COL26A1: variants seen among roughly 807,000 people sequenced by gnomAD.
COL26A1 encodes collagen type XXVI alpha 1 chain.
COL26A1 carries 41 observed loss-of-function variants against 59.3 expected under a neutral mutation model. The ratio of observed to expected loss-of-function variants is 0.69; its 90% CI spans 0.54 to 0.90. COL26A1 has a LOEUF of 0.90. Ranked by LOEUF, COL26A1 falls within the 40% of genes least tolerant of loss-of-function variation. COL26A1 has a pLI of 0.00. For missense variants in COL26A1, 612 were observed against 602.3 expected (o/e 1.02, Z -0.17); for synonymous variants, 266 against 256.0 (o/e 1.04, Z -0.37).
chr7:101,501,223 A>G (rs1216536896), intron 3 of COL26A1, among the ~76,000 whole-genome samples: 6 of 151,510 alleles, frequency 4.0e-5, no homozygotes, highest in Non-Finnish European at 8.8e-5. Flanking sequence ...AAAAGAAAAA[A>G]AAAAAAAAAA....
intron 1 of COL26A1, among the ~76,000 whole-genome samples, chr7:101,385,367 G>GTGTGTATATATATATATA (rs896826101): frequency 7.3e-6 from 1 of 137,022 alleles, no homozygotes; most frequent in Non-Finnish European, 1.6e-5. Flanking sequence ...ATATATGTGT[G>GTGTGTATATATATATATA]TATATATATA....
chr7:101,441,236 A>G (rs1177404183), intron 2 of COL26A1, among the ~76,000 whole-genome samples: 2 of 152,190 alleles, frequency 1.3e-5, no homozygotes, highest in Non-Finnish European at 2.9e-5. Context: ...TAAACTGGGA[A>G]TAATGGCCTC....
intron 8 of COL26A1, 139 bp downstream of exon 8, chr7:101,547,378 C>A: frequency 1.8e-6 from 1 of 543,166 alleles, no homozygotes; most frequent in Admixed American, 3.5e-5. Flanking sequence ...GTCTGTCCCA[C>A]CCGCTGTGTG....
chr7:101,529,250 G>A (rs569808344), intron 3 of COL26A1, among the ~76,000 whole-genome samples: 2 of 152,206 alleles, frequency 1.3e-5, no homozygotes, highest in Non-Finnish European at 2.9e-5. Flanking sequence ...GGCTTGTAGT[G>A]CACCCATCAC....
At chr7:101,470,560 G>GC (rs141391705) in intron 3 of COL26A1, among the ~76,000 whole-genome samples, 3,261 of 151,960 alleles carry the variant, frequency 0.021, 48 homozygotes, top group Non-Finnish European at 0.034. Flanking sequence ...GGACTGTATC[G>GC]CCGTTGCTCT....
intron 1 of COL26A1, among the ~76,000 whole-genome samples, chr7:101,363,682 C>A (rs1021029968): frequency 6.6e-6 from 1 of 151,818 alleles, no homozygotes; most frequent in South Asian, 2.1e-4. Flanking sequence ...GGTCTCTGGC[C>A]GCGCCCACCC....
At chr7:101,524,341 G>A (rs62465088) in intron 3 of COL26A1, among the ~76,000 whole-genome samples, 11,559 of 151,740 alleles carry the variant, frequency 0.076, 571 homozygotes, top group Middle Eastern at 0.15. Flanking sequence ...CTACTGCTAA[G>A]GGAAAAACCT....
chr7:101,527,744 C>A (rs1795278044), intron 3 of COL26A1, among the ~76,000 whole-genome samples: 1 of 151,918 alleles, frequency 6.6e-6, no homozygotes, highest in Admixed American at 6.6e-5. Context: ...CCGCTGGTTT[C>A]TGTGTGGGTC....
chr7:101,551,337 C>T (rs1438556824), intron 10 of COL26A1, among the ~76,000 whole-genome samples, 194 bp downstream of exon 10: 2 of 152,158 alleles, frequency 1.3e-5, no homozygotes, highest in African/African-American at 4.8e-5. Flanking sequence ...AAGCGACCTC[C>T]AGAGAGTGCG....
chr7:101,400,353 A>ATTTTTTTTTTTT (rs574852983), intron 1 of COL26A1, among the ~76,000 whole-genome samples: 2 of 97,254 alleles, frequency 2.1e-5, no homozygotes, highest in East Asian at 3.1e-4. Flanking sequence ...TTTTTTTCCT[A>ATTTTTTTTTTTT]TTTTTTTTTT....
chr7:101,461,191 A>G (rs1001249476), intron 3 of COL26A1, among the ~76,000 whole-genome samples: 3 of 151,860 alleles, frequency 2.0e-5, no homozygotes, highest in Non-Finnish European at 2.9e-5. Flanking sequence ...GGGTCTCTCT[A>G]TGTTGCCAAG....
In COL26A1 at chr7:101,494,842, C is replaced by A. The variant is rs192190825; in HGVS notation, c.386-38240C>A. Among the ~76,000 whole-genome samples, 630 of 152,292 alleles carry A rather than the reference C, an allele frequency of 4.1e-3. 4 individuals carry two copies. The highest frequency in any genetic ancestry group is 6.8e-3 in the Middle Eastern group (2 of 294). The stretch of plus-strand genomic sequence containing the variant: ...GGCTGGGAGCACAGGCTGCCCAGAG[C>A]GTACACTGCAGGTTGGAAGCGAGAC... On this transcript the variant is annotated intron_variant, in intron 3 of 12. Coordinates refer to ENST00000313669, the MANE Select transcript of COL26A1 (RefSeq NM_001278563.3).
intron 3 of COL26A1, among the ~76,000 whole-genome samples, chr7:101,475,870 TTCTTTC>T (rs1304002794): frequency 9.6e-5 from 8 of 83,726 alleles, no homozygotes; most frequent in Non-Finnish European, 2.7e-4. Flanking sequence ...TTCTCTCTCT[TTCTTTC>T]TCTTTCTCTC....
chr7:101,528,081 T>C (rs1340056343), intron 3 of COL26A1, among the ~76,000 whole-genome samples: 1 of 151,436 alleles, frequency 6.6e-6, no homozygotes, highest in Non-Finnish European at 1.5e-5. Flanking sequence ...GTGTGGGGAG[T>C]CCGAGCTGGC....
chr7:101,482,633 C>T (rs923963255), intron 3 of COL26A1, among the ~76,000 whole-genome samples: 2 of 152,186 alleles, frequency 1.3e-5, no homozygotes, highest in African/African-American at 4.8e-5. Context: ...CTGTCTTACT[C>T]CTGCTTCATG....
intron 3 of COL26A1, among the ~76,000 whole-genome samples, chr7:101,448,789 G>A (rs1793261642): frequency 1.3e-5 from 2 of 152,152 alleles, no homozygotes; most frequent in Admixed American, 1.3e-4. Context: ...ACCTCTCCCG[G>A]CTGGAGGGGT....
chr7:101,427,772 G>T (rs1792682470), intron 2 of COL26A1, among the ~76,000 whole-genome samples: 1 of 152,164 alleles, frequency 6.6e-6, no homozygotes. Flanking sequence ...AAAGTGCTGG[G>T]ATTACAGGTG....
intron 1 of COL26A1, among the ~76,000 whole-genome samples, chr7:101,393,557 A>T (rs1472450282): frequency 6.6e-6 from 1 of 152,166 alleles, no homozygotes; most frequent in Non-Finnish European, 1.5e-5. Flanking sequence ...AACTGACAAC[A>T]TCTTCACAGA....
In COL26A1 at chr7:101,489,691, T is replaced by G. The variant is rs1282119223; in HGVS notation, c.385+41904T>G. 1.4e-3 allele frequency among the ~76,000 whole-genome samples: 24 copies of G among 17,106 alleles called. 7 individuals are homozygous for G. In the East Asian group the frequency reaches 0.015, roughly 10 times the overall value. 11.2% of individuals were successfully genotyped at this position (17,106 alleles called of 152,430 possible). A position where few individuals can be genotyped will look rare whatever the true frequency, so the allele number is the denominator to read the frequency against. On this transcript the variant is annotated intron_variant, in intron 3 of 12. Coordinates refer to ENST00000313669, the MANE Select transcript of COL26A1 (RefSeq NM_001278563.3). ...TTCCTTCCTTCCTTCCTTTCTTTCT[T>G]TCTTTCTGTCTTTCTTTCTTTCATT...
Sources: allele counts gnomAD v4.1 joint callset (sites outside exome capture counted in the v4.1 genomes callset), GRCh38; gene constraint gnomAD v4.1.1; transcripts MANE v1.5; gene names NCBI Gene and HGNC (gene_info 2026-07-23, HGNC 2026-07-21).